CCNJ: variants seen among roughly 807,000 people sequenced by gnomAD.
CCNJ encodes cyclin-J.
Under a neutral mutation model 41.4 loss-of-function variants are expected in CCNJ, and 12 were observed. The ratio of observed to expected loss-of-function variants is 0.29; its 90% confidence interval spans 0.19 to 0.47. The LOEUF is 0.47. Ranked by LOEUF, CCNJ falls within the 20% of genes least tolerant of loss-of-function variation. The probability of loss-of-function intolerance (pLI) is 1.00; values close to 1 mark genes in which losing one functional copy is unlikely to be tolerated. For synonymous variants in CCNJ, 161 were observed against 173.4 expected (o/e 0.93, Z 0.56); for missense variants, 340 against 464.6 (o/e 0.73, Z 2.47).
intron 2 of CCNJ, among the ~76,000 whole-genome samples, chr10:96,048,394 CCCA>C (rs1415850757): frequency 3.9e-5 from 6 of 152,176 alleles, no homozygotes; most frequent in Admixed American, 6.5e-5. Context: ...AATTTACACT[CCCA>C]CCAACAGTGT....
rs761852220 is a variant in CCNJ at position 96,057,171 on chromosome 10, A to G, written c.664A>G (p.Thr222Ala). The change falls in exon 5 of 6, where the codon ACG (threonine) becomes GCG (alanine). Residue 222 changes from threonine to alanine, a missense_variant. Around this residue, in one of 3 missense-constraint regions of CCNJ, gnomAD observed 137 missense variants for 252.9 expected, o/e 0.54. Coordinates refer to ENST00000465148, the MANE Select transcript of CCNJ (RefSeq NM_001134375.2). ...SSRIILRLSP[T>A]WPTRLHRLTA... is the part of the protein sequence containing the mutation. ...GAGGATTATACTTCGTCTTTCTCCA[A>G]CGTGGCCTACAAGACTACATCGTCT... is the stretch of plus-strand genomic sequence containing the variant. 9 of 1,613,944 alleles carry G rather than the reference A, an allele frequency of 5.6e-6. No individual in the cohort carries two copies. Among genetic ancestry groups the G allele is most frequent in the Non-Finnish European group, 7.6e-6 (9 of 1,179,816 alleles).
At chr10:96,057,040 G>C (rs763870681) in intron 4 of CCNJ, 40 bp downstream of exon 4, 8 of 1,612,242 alleles carry the variant, frequency 5.0e-6, no homozygotes. Flanking sequence ...TTGTGCACTT[G>C]TGACTCGTGT....
chr10:96,043,415 C>A (rs1455810811), upstream of CCNJ: 2 of 371,012 alleles, frequency 5.4e-6, no homozygotes, highest in East Asian at 7.8e-5. Flanking sequence ...CTGACCGTAC[C>A]CAGGCGGGAG....
At position 96,057,861 on chromosome 10, in the gene CCNJ, A is replaced by G; in HGVS notation, c.772A>G (p.Lys258Glu). ...TGATAATGATGTGAAAGAAGCAAAC[A>G]AACAGAGAGGGCAAGCAGGACCTCA... ...AHDNDVKEAN[K>E]QRGQAGPQSA... Residue 258 changes from lysine to glutamate, a missense_variant, in exon 6 of 6, where the codon AAA becomes GAA. Physicochemically the swap from Lys to Glu is moderately conservative, Grantham distance 56. Around this residue, in one of 3 missense-constraint regions of CCNJ, gnomAD observed 159 missense variants for 168.2 expected, o/e 0.95. Transcript: ENST00000465148. The G allele has an allele frequency of 6.2e-7, 1 of 1,614,128 alleles. No homozygotes were observed. The highest frequency in any genetic ancestry group is 8.5e-7 in the Non-Finnish European group (1 of 1,179,992).
intron 3 of CCNJ, among the ~76,000 whole-genome samples, chr10:96,051,277 T>C (rs2080514977): frequency 6.6e-6 from 1 of 152,220 alleles, no homozygotes; most frequent in Non-Finnish European, 1.5e-5. Context: ...CTCATTTCAT[T>C]GCTCGTTGGT....
intron 2 of CCNJ, among the ~76,000 whole-genome samples, chr10:96,048,185 T>C (rs1317193185): frequency 6.6e-6 from 1 of 152,216 alleles, no homozygotes; most frequent in Non-Finnish European, 1.5e-5. Flanking sequence ...AGTCTATCAT[T>C]GATGGGCATT....
upstream of CCNJ, among the ~76,000 whole-genome samples, chr10:96,043,225 G>A (rs1490141340): frequency 1.3e-5 from 2 of 152,244 alleles, no homozygotes; most frequent in African/African-American, 2.4e-5. Context: ...GCCATCGAAG[G>A]TTCTCAGCAG....
At chr10:96,047,251 A>G (rs1017326128) in intron 2 of CCNJ, among the ~76,000 whole-genome samples, 3 of 152,166 alleles carry the variant, frequency 2.0e-5, no homozygotes, top group African/African-American at 7.2e-5. Context: ...TAAAGTTGCA[A>G]CTCACTTACA....
chr10:96,056,481 G>A (rs2080697199), intron 3 of CCNJ, among the ~76,000 whole-genome samples: 1 of 151,954 alleles, frequency 6.6e-6, no homozygotes, highest in Non-Finnish European at 1.5e-5. Flanking sequence ...AAATGTTTAT[G>A]TATTTCAAGC....
chr10:96,058,405 C>G lies in CCNJ; in HGVS notation c.*164C>G, dbSNP rs2080751612. 3.4e-6 allele frequency: 2 copies of G among 584,344 alleles called. No individual in the cohort carries two copies. The highest frequency in any genetic ancestry group is 3.1e-5 in the Admixed American group (1 of 32,164). 36.2% of individuals were successfully genotyped at this position (584,344 alleles called of 1,614,324 possible). The stretch of plus-strand genomic sequence containing the variant: ...ATATCCTTTTTAATGCACCATGAAT[C>G]CTGGGAGACTAAGCAAATTAACAGT... On this transcript the variant is annotated 3_prime_UTR_variant, in exon 6 of 6. Transcript: ENST00000465148.
At chr10:96,054,718 G>A (rs1414918) in intron 3 of CCNJ, among the ~76,000 whole-genome samples, 78,565 of 151,950 alleles carry the variant, frequency 0.52, 20,782 homozygotes, top group East Asian at 0.82. Flanking sequence ...GGCCAACCTC[G>A]CTACCTTGGT....
At chr10:96,050,611 A>C in intron 3 of CCNJ, 145 bp downstream of exon 3, 1 of 656,836 alleles carries the variant, frequency 1.5e-6, no homozygotes, top group Non-Finnish European at 2.6e-6. Flanking sequence ...AGTGCTTCTC[A>C]GTGTAATAAT....
rs995001016 is a variant in CCNJ at position 96,045,583 on chromosome 10, G to A, written c.69+1121G>A. Among the ~76,000 whole-genome samples the A allele has an allele frequency of 5.9e-5, 9 of 151,966 alleles. 1 individual carries two copies. Among genetic ancestry groups the A allele is most frequent in the Admixed American group, 5.9e-4 (9 of 15,252 alleles). Reference sequence around the variant, plus strand: ...AATACAGTTCAGCCCCCTAGGAGATGGTTTATACCACATAAAAATTCTAAC... The same window carrying A: ...AATACAGTTCAGCCCCCTAGGAGATAGTTTATACCACATAAAAATTCTAAC... On this transcript the variant is annotated intron_variant, in intron 2 of 5. Coordinates refer to ENST00000465148, the MANE Select transcript of CCNJ (RefSeq NM_001134375.2).
At chr10:96,052,896 G>C (rs1213138264) in intron 3 of CCNJ, among the ~76,000 whole-genome samples, 1 of 151,678 alleles carries the variant, frequency 6.6e-6, no homozygotes, top group Non-Finnish European at 1.5e-5. Flanking sequence ...TTGTTCAAAA[G>C]AGTTTGAGCT....
intron 3 of CCNJ, among the ~76,000 whole-genome samples, chr10:96,053,067 A>G (rs916960035): frequency 3.9e-5 from 6 of 152,160 alleles, no homozygotes; most frequent in Non-Finnish European, 5.9e-5. Flanking sequence ...CCTGTTTTAA[A>G]TTTGTGGAGT....
In CCNJ at chr10:96,058,249, T is replaced by C. The variant is rs1323918903; in HGVS notation, c.*8T>C. Reference sequence around the variant, plus strand: ...CCATGTTTTGAAAGGTGATTATTTGTGAAGCTGATAACCGACCCAGACTGC... The same window carrying C: ...CCATGTTTTGAAAGGTGATTATTTGCGAAGCTGATAACCGACCCAGACTGC... On this transcript the variant is annotated 3_prime_UTR_variant, in exon 6 of 6. Coordinates refer to ENST00000465148, the MANE Select transcript of CCNJ (RefSeq NM_001134375.2). 1.2e-6 allele frequency: 2 copies of C among 1,605,774 alleles called. No individual in the cohort carries two copies. The highest frequency in any genetic ancestry group is 1.6e-4 in the Middle Eastern group (1 of 6,062).
In CCNJ at chr10:96,044,370, G is replaced by A; in HGVS notation, c.-24G>A. 2.7e-6 allele frequency: 4 copies of A among 1,507,418 alleles called. No individual in the cohort carries two copies. The South Asian group carries it at 5.1e-5, about 19-fold the overall frequency. The allele number at this position is 1,507,418 out of a possible 1,614,324, so 93.4% of individuals were successfully genotyped here. On this transcript the variant is annotated 5_prime_UTR_variant, in exon 2 of 6. Coordinates refer to ENST00000465148, the MANE Select transcript of CCNJ (RefSeq NM_001134375.2). ...TCTTACAGACTCGAGTTGCCGCGTCGGGCTGGGCGCGCCGCCGGGTCCCAT... is the reference window on the plus strand; with the variant it reads ...TCTTACAGACTCGAGTTGCCGCGTCAGGCTGGGCGCGCCGCCGGGTCCCAT...
intron 3 of CCNJ, among the ~76,000 whole-genome samples, chr10:96,056,237 A>G (rs915428950): frequency 6.6e-6 from 1 of 151,022 alleles, no homozygotes; most frequent in African/African-American, 2.4e-5. Context: ...TGAACCCGGG[A>G]GGTGGAGCTT....
chr10:96,055,311 G>T (rs1426113082), intron 3 of CCNJ, among the ~76,000 whole-genome samples: 1 of 152,164 alleles, frequency 6.6e-6, no homozygotes, highest in Non-Finnish European at 1.5e-5. Flanking sequence ...CATGAGCTTA[G>T]AATCTCCTGG....
Sources: allele counts gnomAD v4.1 joint callset (sites outside exome capture counted in the v4.1 genomes callset), GRCh38; gene constraint gnomAD v4.1.1; regional missense constraint gnomAD v4.1.1; transcripts MANE v1.5; gene names NCBI Gene and HGNC (gene_info 2026-07-23, HGNC 2026-07-21).